ARL15: variants seen among roughly 807,000 people sequenced by gnomAD.
The protein encoded by ARL15 is ARF like GTPase 15.
In ARL15, 19 loss-of-function variants were observed where a neutral mutation model predicts 25.2. The ratio of observed to expected loss-of-function variants is 0.75; its 90% CI spans 0.53 to 1.10. The LOEUF (loss-of-function observed/expected upper bound fraction) is 1.10, where lower values mean the gene tolerates loss of function less well. Ranked by LOEUF, ARL15 falls within the 50% of genes least tolerant of loss-of-function variation. The probability of loss-of-function intolerance (pLI) is 0.00; values close to 1 mark genes in which losing one functional copy is unlikely to be tolerated. For synonymous variants in ARL15, 94 were observed against 86.8 expected, an observed-to-expected ratio of 1.08 and a Z score of -0.46; for missense variants, 220 against 246.0, an observed-to-expected ratio of 0.89 and a Z score of 0.71.
chr5:54,272,745 T>C (rs28553319), intron 1 of ARL15, among the ~76,000 whole-genome samples: 4 of 152,224 alleles, frequency 2.6e-5, no homozygotes, highest in Non-Finnish European at 2.9e-5. Context: ...ATTATCATTA[T>C]AACATCTACA....
intron 1 of ARL15, among the ~76,000 whole-genome samples, chr5:54,182,464 T>C (rs1447287987): frequency 2.0e-5 from 3 of 151,374 alleles, no homozygotes; most frequent in Non-Finnish European, 4.4e-5. Flanking sequence ...GTTGTAGGTA[T>C]GCGGCGTTAT....
chr5:53,941,936 C>G (rs567210978), intron 4 of ARL15, among the ~76,000 whole-genome samples: 1 of 152,144 alleles, frequency 6.6e-6, no homozygotes, highest in East Asian at 1.9e-4. Context: ...TGATGAGAAA[C>G]CACCGCAGGG....
In ARL15 at chr5:54,112,374, G is replaced by A. The variant is rs193257552; in HGVS notation, c.462+828C>T. ...TCCTTGGCTCCTCATTTATTTTTCA[G>A]GCTGAAAGGCAAGATTGTTCATATT... On this transcript the variant is annotated intron_variant, in intron 4 of 4. Transcript: ENST00000504924. Among the ~76,000 whole-genome samples, 107 of 152,168 alleles carry A rather than the reference G, an allele frequency of 7.0e-4. No individual in the cohort carries two copies. In the Middle Eastern group the frequency reaches 0.01, roughly 15 times the overall value.
intron 1 of ARL15, among the ~76,000 whole-genome samples, chr5:54,242,003 C>T (rs1200428163): frequency 2.0e-5 from 3 of 152,108 alleles, no homozygotes; most frequent in Non-Finnish European, 2.9e-5. Context: ...AGGCAGAAAT[C>T]GGGCTGAATG....
intron 4 of ARL15, among the ~76,000 whole-genome samples, chr5:53,949,934 C>G (rs892331627): frequency 5.3e-5 from 8 of 152,086 alleles, no homozygotes; most frequent in Non-Finnish European, 1.0e-4. Context: ...AAGGAAAGTG[C>G]CTTTGCTCAA....
intron 1 of ARL15, among the ~76,000 whole-genome samples, chr5:54,206,537 G>A (rs1407987233): frequency 6.6e-6 from 1 of 152,180 alleles, no homozygotes; most frequent in Non-Finnish European, 1.5e-5. Flanking sequence ...AATCTAAGAG[G>A]TAAGTGATCT....
At chr5:54,016,076 C>T (rs1280338284) in intron 4 of ARL15, among the ~76,000 whole-genome samples, 1 of 152,078 alleles carries the variant, frequency 6.6e-6, no homozygotes, top group Non-Finnish European at 1.5e-5. Flanking sequence ...TCTGACCTTT[C>T]CCTTGTCTCA....
chr5:54,027,375 T>C (rs1749814157), intron 4 of ARL15, among the ~76,000 whole-genome samples: 1 of 152,230 alleles, frequency 6.6e-6, no homozygotes, highest in Non-Finnish European at 1.5e-5. Flanking sequence ...TTCCTCTCTT[T>C]ATTAATTACT....
intron 4 of ARL15, among the ~76,000 whole-genome samples, chr5:54,016,565 T>C (rs939383409): frequency 2.0e-5 from 3 of 152,344 alleles, no homozygotes; most frequent in Admixed American, 6.5e-5. Flanking sequence ...TCTGCTCCTT[T>C]GTCTTTAACA....
At chr5:54,278,002 A>G (rs1757967309) in intron 1 of ARL15, among the ~76,000 whole-genome samples, 1 of 152,182 alleles carries the variant, frequency 6.6e-6, no homozygotes, top group South Asian at 2.1e-4. Flanking sequence ...CACTGGCCCT[A>G]GCTTCATTCA....
At chr5:54,106,141 A>G (rs1664833580) in intron 4 of ARL15, among the ~76,000 whole-genome samples, 2 of 152,350 alleles carry the variant, frequency 1.3e-5, no homozygotes, top group Non-Finnish European at 2.9e-5. Context: ...TAGAAACATA[A>G]AATCAAACAT....
In ARL15 at chr5:54,057,416, C is replaced by T. The variant is rs1416227338; in HGVS notation, c.462+55786G>A. Among the ~76,000 whole-genome samples the T allele has an allele frequency of 3.3e-5, 5 of 152,166 alleles. No homozygotes were observed. In the East Asian group the frequency reaches 9.6e-4, roughly 29 times the overall value. ...TTAAAGGTGATGGGGCAGGTTTTAA[C>T]ACACAACTGTGCCACTGTTTAAAAA... On this transcript the variant is annotated intron_variant, in intron 4 of 4. Coordinates refer to ENST00000504924, the MANE Select transcript of ARL15 (RefSeq NM_019087.3).
intron 1 of ARL15, among the ~76,000 whole-genome samples, chr5:54,227,369 T>C (rs1756553586): frequency 6.6e-6 from 1 of 152,220 alleles, no homozygotes; most frequent in Non-Finnish European, 1.5e-5. Flanking sequence ...CCTAACCTCA[T>C]TGCCTTTACA....
At chr5:54,111,214 A>C (rs904942472) in intron 4 of ARL15, among the ~76,000 whole-genome samples, 1 of 152,082 alleles carries the variant, frequency 6.6e-6, no homozygotes, top group Admixed American at 6.6e-5. Flanking sequence ...AGTTTTGAGA[A>C]AAGTAAATTT....
chr5:54,123,291 A>G (rs934185712), intron 3 of ARL15, among the ~76,000 whole-genome samples: 10 of 151,724 alleles, frequency 6.6e-5, no homozygotes, highest in Non-Finnish European at 1.0e-4. Context: ...TTGTATTTTT[A>G]GTAGAGACAG....
At chr5:54,027,324 T>C (rs1040775216) in intron 4 of ARL15, among the ~76,000 whole-genome samples, 2 of 152,204 alleles carry the variant, frequency 1.3e-5, no homozygotes, top group Admixed American at 6.5e-5. Context: ...TTACATCAAG[T>C]CTTGTCTTAA....
At chr5:54,070,323 T>C (rs10069589) in intron 4 of ARL15, among the ~76,000 whole-genome samples, 40,213 of 150,622 alleles carry the variant, frequency 0.27, 6,754 homozygotes, top group African/African-American at 0.49. Flanking sequence ...ACCTGGAAGG[T>C]GGAGCTTGCA....
intron 4 of ARL15, among the ~76,000 whole-genome samples, chr5:54,083,930 G>A (rs1040657182): frequency 6.6e-6 from 1 of 152,152 alleles, no homozygotes; most frequent in Non-Finnish European, 1.5e-5. Context: ...TAGGGAGGGG[G>A]CTGGAGAATT....
chr5:54,216,473 A>C (rs1334033976), intron 1 of ARL15, among the ~76,000 whole-genome samples: 1 of 152,212 alleles, frequency 6.6e-6, no homozygotes, highest in African/African-American at 2.4e-5. Flanking sequence ...TAAATTTGTT[A>C]TTACTATACT....
Sources: allele counts gnomAD v4.1 joint callset (sites outside exome capture counted in the v4.1 genomes callset), GRCh38; gene constraint gnomAD v4.1.1; transcripts MANE v1.5; gene names NCBI Gene and HGNC (gene_info 2026-07-23, HGNC 2026-07-21).